The following NRXN3 variants were observed in gnomAD, a reference collection of about 807,000 sequenced individuals.
NRXN3 encodes neurexin 3.
In NRXN3, 32 loss-of-function variants were observed where a neutral mutation model predicts 137.6. That is an observed-to-expected ratio of 0.23 (90% CI 0.18 to 0.31). The LOEUF is 0.31. Among genes scored for constraint, NRXN3 ranks in the 10% least tolerant of loss-of-function variants. The probability of loss-of-function intolerance (pLI) is 1.00; values close to 1 mark genes in which losing one functional copy is unlikely to be tolerated. For synonymous variants in NRXN3, 798 were observed against 784.5 expected, an observed-to-expected ratio of 1.02 and a Z score of -0.29; for missense variants, 1,574 against 2,062.5, an observed-to-expected ratio of 0.76 and a Z score of 4.59.
At chr14:79,836,361 C>A (rs924065178) in intron 20 of NRXN3, among the ~76,000 whole-genome samples, 2 of 152,090 alleles carry the variant, frequency 1.3e-5, no homozygotes, top group Non-Finnish European at 2.9e-5. Context: ...CAAACTCTTG[C>A]CAACTGACAT....
rs1447548649 is a variant in NRXN3 at position 78,310,608 on chromosome 14, A to G, written c.757+12748A>G. Among the ~76,000 whole-genome samples the G allele has an allele frequency of 3.9e-5, 6 of 152,072 alleles. No individual in the cohort carries two copies. In the South Asian group the frequency reaches 1.2e-3, roughly 32 times the overall value. ...AGTGAGGTTCTGCAGTTCTAAACTA[A>G]TTGATCCATGTGACAACTGAACCTG... On this transcript the variant is annotated intron_variant, in intron 4 of 20. Coordinates refer to ENST00000335750, the MANE Select transcript of NRXN3 (RefSeq NM_001330195.2).
At chr14:78,307,255 A>C (rs1445966520) in intron 4 of NRXN3, among the ~76,000 whole-genome samples, 3 of 152,062 alleles carry the variant, frequency 2.0e-5, no homozygotes, top group African/African-American at 7.2e-5. Context: ...AAATCAAGAA[A>C]TAGAATATGC....
rs374751540 is a variant in NRXN3, at chr14:78,709,612, T to G, written c.1617T>G (p.Asp539Glu). The change falls in exon 7 of 21, where the codon GAT becomes GAG. Residue 539 changes from aspartate to glutamate, a missense_variant. Physicochemically the swap from Asp to Glu is conservative, Grantham distance 45 (BLOSUM62 2). This residue lies in a region of NRXN3 where 718 missense variants were observed against 887.6 expected (regional missense o/e 0.81). Coordinates refer to ENST00000335750, the MANE Select transcript of NRXN3 (RefSeq NM_001330195.2). ...KVKATQKKANDGEWYHVDIQR... is the reference protein window; with the variant it reads ...KVKATQKKANEGEWYHVDIQR... Reference sequence around the variant, plus strand: ...AAGCCACTCAGAAGAAAGCCAATGATGGGGAATGGTACCATGTGGACATTC... The same window carrying G: ...AAGCCACTCAGAAGAAAGCCAATGAGGGGGAATGGTACCATGTGGACATTC... 1 of 1,613,704 alleles carries G rather than the reference T, an allele frequency of 6.2e-7. No homozygotes were observed. The highest frequency in any genetic ancestry group is 2.2e-5 in the East Asian group (1 of 44,860).
chr14:79,650,199 GTT>G (rs1475063833), intron 16 of NRXN3, among the ~76,000 whole-genome samples: 1 of 152,092 alleles, frequency 6.6e-6, no homozygotes, highest in African/African-American at 2.4e-5. Flanking sequence ...GAGAAACTGA[GTT>G]TGTTTTTTCT....
At chr14:78,967,115 GA>G (rs2099419150) in intron 12 of NRXN3, 92 bp from the exon 13 acceptor site, 1 of 1,025,366 alleles carries the variant, frequency 9.8e-7, no homozygotes, top group African/African-American at 1.6e-5. Context: ...TAGCATGGGG[GA>G]TTTGAAGCCC....
intron 1 of NRXN3, among the ~76,000 whole-genome samples, chr14:78,233,394 A>G (rs564375983): frequency 6.6e-6 from 1 of 152,220 alleles, no homozygotes; most frequent in African/African-American, 2.4e-5. Context: ...GTTTCCTTGC[A>G]GGTTCCTCTC....
intron 15 of NRXN3, among the ~76,000 whole-genome samples, chr14:79,108,337 C>T (rs1024431570): frequency 3.9e-5 from 6 of 152,098 alleles, no homozygotes; most frequent in Non-Finnish European, 5.9e-5. Flanking sequence ...CCTTCATCAT[C>T]AGTGAATGTT....
intron 15 of NRXN3, among the ~76,000 whole-genome samples, chr14:79,264,948 C>T (rs1041046445): frequency 3.3e-5 from 5 of 151,308 alleles, no homozygotes; most frequent in African/African-American, 9.7e-5. Context: ...TACATATACA[C>T]GCATGTATAT....
intron 15 of NRXN3, among the ~76,000 whole-genome samples, chr14:79,123,225 G>A (rs1262628702): frequency 3.3e-5 from 5 of 151,882 alleles, no homozygotes; most frequent in African/African-American, 4.8e-5. Context: ...GCGTGTGTGT[G>A]TGCGCGCGTG....
intron 20 of NRXN3, among the ~76,000 whole-genome samples, chr14:79,817,749 T>C (rs192930822): frequency 6.6e-6 from 1 of 152,268 alleles, no homozygotes; most frequent in East Asian, 1.9e-4. Context: ...AACCTAAATA[T>C]ACGAAATAGC....
In NRXN3 at chr14:78,821,225, A is replaced by G. The variant is rs147017060; in HGVS notation, c.2275+10881A>G. On this transcript the variant is annotated intron_variant, in intron 10 of 20. Coordinates refer to ENST00000335750, the MANE Select transcript of NRXN3 (RefSeq NM_001330195.2). ...GGAATGAAATTTATTTCTGAAATCC[A>G]GGAGATGACAGAGAAATGAAATTGG... is the stretch of plus-strand genomic sequence containing the variant. Among the ~76,000 whole-genome samples, 5 of 152,332 alleles carry G rather than the reference A, an allele frequency of 3.3e-5. No homozygotes were observed. The East Asian group carries it at 5.8e-4, about 18-fold the overall frequency.
At chr14:79,565,369 A>G (rs2097542264) in intron 16 of NRXN3, among the ~76,000 whole-genome samples, 2 of 142,882 alleles carry the variant, frequency 1.4e-5, no homozygotes, top group East Asian at 4.0e-4. Flanking sequence ...ACACACACAC[A>G]TATGTATATA....
intron 16 of NRXN3, among the ~76,000 whole-genome samples, chr14:79,638,862 CG>C (rs2098418759): frequency 1.3e-5 from 2 of 152,272 alleles, no homozygotes; most frequent in Admixed American, 1.3e-4. Context: ...AAAAATAGCA[CG>C]GAAACAGCTG....
intron 8 of NRXN3, among the ~76,000 whole-genome samples, chr14:78,760,945 T>C (rs1316216624): frequency 6.6e-6 from 1 of 152,162 alleles, no homozygotes; most frequent in East Asian, 1.9e-4. Flanking sequence ...CTTTGGCTTT[T>C]CAAGGTAGTA....
chr14:78,498,884 C>T (rs1179720332), intron 4 of NRXN3, among the ~76,000 whole-genome samples: 24 of 151,954 alleles, frequency 1.6e-4, no homozygotes, highest in Admixed American at 1.6e-3. Context: ...CCTCAGCCTC[C>T]CAAGTAGTTG....
chr14:79,324,672 T>G (rs1380983744), intron 15 of NRXN3, among the ~76,000 whole-genome samples: 1 of 152,136 alleles, frequency 6.6e-6, no homozygotes, highest in East Asian at 1.9e-4. Flanking sequence ...GATTTGGGAT[T>G]GGGTGGAGGG....
intron 15 of NRXN3, among the ~76,000 whole-genome samples, chr14:79,318,193 T>G (rs956265158): frequency 3.0e-4 from 46 of 152,178 alleles, no homozygotes; most frequent in Admixed American, 3.0e-3. Context: ...TACTAAATGG[T>G]CAAGCATTTT....
intron 16 of NRXN3, among the ~76,000 whole-genome samples, chr14:79,562,659 T>A (rs909784741): frequency 2.6e-5 from 4 of 152,192 alleles, no homozygotes; most frequent in Non-Finnish European, 4.4e-5. Context: ...CATGTAAATA[T>A]CATACAAATT....
chr14:79,458,689 C>A (rs150317267), intron 15 of NRXN3, among the ~76,000 whole-genome samples: 8 of 152,204 alleles, frequency 5.3e-5, no homozygotes, highest in African/African-American at 1.9e-4. Context: ...GTGCAATTTC[C>A]TAGAACTTAT....
Sources: gnomAD v4.1 joint callset for allele counts (sites outside exome capture counted in the v4.1 genomes callset) on GRCh38, gnomAD v4.1.1 for gene constraint, gnomAD v4.1.1 regional missense constraint, MANE v1.5 for transcripts, NCBI Gene and HGNC (gene_info 2026-07-23, HGNC 2026-07-21) for gene names.